Variants in TSPAN7 observed in about 807,000 individuals in gnomAD.
TSPAN7 encodes tetraspanin-7.
TSPAN7 carries 1 observed loss-of-function variant against 17.6 expected under a neutral mutation model. That is an observed-to-expected ratio of 0.06 (90% CI 0.02 to 0.27). The LOEUF (loss-of-function observed/expected upper bound fraction) is 0.27. Among genes scored for constraint, TSPAN7 ranks in the 10% least tolerant of loss-of-function variants. The probability of loss-of-function intolerance (pLI) is 1.00; values close to 1 mark genes in which losing one functional copy is unlikely to be tolerated. For synonymous variants in TSPAN7, 78 were observed against 79.0 expected, an observed-to-expected ratio of 0.99 and a Z score of 0.07; for missense variants, 112 against 201.7, an observed-to-expected ratio of 0.56 and a Z score of 2.69.
At chrX:38,649,128 G>A (rs866766860) in intron 1 of TSPAN7, among the ~76,000 whole-genome samples, 5 of 111,195 alleles carry the variant, frequency 4.5e-5, no homozygotes, top group Admixed American at 9.6e-5. Context: ...CACCCCAAAT[G>A]AGTATGTTAA....
In TSPAN7 at chrX:38,613,074, G is replaced by C. The variant is rs2069430665; in HGVS notation, c.81+51447G>C. On this transcript the variant is annotated intron_variant, in intron 1 of 7. Transcript: ENST00000378482. The stretch of plus-strand genomic sequence containing the variant: ...CTTTTCATTCTGCAACTAACACTCA[G>C]GAGCTGGAATCTCCATAACAGTTAT... Among the ~76,000 whole-genome samples the C allele has an allele frequency of 2.7e-5, 3 of 111,561 alleles. No individual in the cohort carries two copies. The South Asian group carries it at 1.1e-3, about 42-fold the overall frequency.
chrX:38,575,870 G>A (rs948767184), intron 1 of TSPAN7, among the ~76,000 whole-genome samples: 11 of 111,937 alleles, frequency 9.8e-5, no homozygotes, highest in Non-Finnish European at 1.7e-4. Flanking sequence ...TTAAAAAAAA[G>A]TCTGTTTACT....
rs1378050503 is a variant in TSPAN7, at chrX:38,681,194, C to T, written c.598-10C>T. On this transcript the variant is annotated splice_polypyrimidine_tract_variant and intron_variant, in intron 5 of 7. Transcript: ENST00000378482. ...AACATGTCTCCAAGACAGTGTCTTT[C>T]TCTTTCCAGGGTTGTTATGATCTGG... 8.3e-7 allele frequency: 1 copy of T among 1,201,875 alleles called. No individual in the cohort carries two copies. The highest frequency in any genetic ancestry group is 1.8e-5 in the African/African-American group (1 of 57,116).
chrX:38,601,730 G>A (rs2069348079), intron 1 of TSPAN7, among the ~76,000 whole-genome samples: 1 of 111,852 alleles, frequency 8.9e-6, no homozygotes, highest in South Asian at 3.7e-4. Context: ...CGCAGCTGAA[G>A]ACAATAATTT....
Position 38,601,861 on chromosome X carries a change from A to G in TSPAN7, c.81+40234A>G, listed in dbSNP as rs12013518. Among the ~76,000 whole-genome samples, 292 of 111,643 alleles carry G rather than the reference A, an allele frequency of 2.6e-3. 1 individual carries two copies. Among genetic ancestry groups the G allele is most frequent in the African/African-American group, 8.5e-3 (261 of 30,771 alleles). On this transcript the variant is annotated intron_variant, in intron 1 of 7. Transcript: ENST00000378482. ...ATTTGGACCTTAGCTGGGGTGGCACACTACATTCTCTCCCATCTTCCAGGA... is the reference window on the plus strand; with the variant it reads ...ATTTGGACCTTAGCTGGGGTGGCACGCTACATTCTCTCCCATCTTCCAGGA...
chrX:38,652,287 G>A (rs1004531436), intron 1 of TSPAN7, among the ~76,000 whole-genome samples: 1 of 111,747 alleles, frequency 8.9e-6, no homozygotes. Context: ...AAGTCTTCTG[G>A]GACAATAGTC....
chrX:38,631,049 A>G (rs975371488), intron 1 of TSPAN7, among the ~76,000 whole-genome samples: 2 of 112,612 alleles, frequency 1.8e-5, no homozygotes, highest in Non-Finnish European at 3.8e-5. Context: ...TCATAGATGT[A>G]ATAATTTAAA....
chrX:38,624,025 C>A (rs2069505611), intron 1 of TSPAN7, among the ~76,000 whole-genome samples: 1 of 107,547 alleles, frequency 9.3e-6, no homozygotes, highest in Admixed American at 1.0e-4. Flanking sequence ...AGGAAACAGA[C>A]CCAAGGTCAC....
At chrX:38,668,350 G>A (rs906553921) in intron 2 of TSPAN7, among the ~76,000 whole-genome samples, 3 of 112,112 alleles carry the variant, frequency 2.7e-5, no homozygotes, top group African/African-American at 9.7e-5. Context: ...TAGGATATGT[G>A]TATAAACAAT....
intron 4 of TSPAN7, among the ~76,000 whole-genome samples, chrX:38,674,591 T>C (rs1399784865): frequency 9.0e-6 from 1 of 111,694 alleles, no homozygotes; most frequent in Admixed American, 9.5e-5. Context: ...TCTGAACCCT[T>C]GTGAAGGAGT....
intron 1 of TSPAN7, among the ~76,000 whole-genome samples, chrX:38,582,839 A>G (rs1488137226): frequency 2.7e-5 from 3 of 111,659 alleles, no homozygotes; most frequent in African/African-American, 9.8e-5. Flanking sequence ...TATTGTATCC[A>G]GTTGCCTCAA....
chrX:38,586,331 G>C (rs139318037), intron 1 of TSPAN7, among the ~76,000 whole-genome samples: 4,021 of 112,249 alleles, frequency 0.036, 66 homozygotes, highest in Non-Finnish European at 0.056. Context: ...TATCAGGAAG[G>C]CTTTGAATAT....
At chrX:38,581,325 G>A (rs909796170) in intron 1 of TSPAN7, among the ~76,000 whole-genome samples, 8 of 112,135 alleles carry the variant, frequency 7.1e-5, no homozygotes, top group African/African-American at 1.6e-4. Flanking sequence ...ATGGACTCAC[G>A]GTTCCACATG....
At chrX:38,613,566 G>A (rs1165291854) in intron 1 of TSPAN7, among the ~76,000 whole-genome samples, 3 of 111,265 alleles carry the variant, frequency 2.7e-5, no homozygotes, top group Non-Finnish European at 5.7e-5. Flanking sequence ...TTTCACCTTG[G>A]GTTATTAGAT....
chrX:38,680,543 C>CTT (rs2069883026), intron 5 of TSPAN7, among the ~76,000 whole-genome samples: 1 of 37,862 alleles, frequency 2.6e-5, no homozygotes, highest in African/African-American at 1.2e-4. Context: ...TACAAATTCT[C>CTT]TCTCTCTCTC....
At chrX:38,683,684 T>C (rs2069906612) in intron 6 of TSPAN7, among the ~76,000 whole-genome samples, 2 of 112,845 alleles carry the variant, frequency 1.8e-5, no homozygotes, top group Admixed American at 9.3e-5. Flanking sequence ...CAGCTATTTA[T>C]GGTGCTGTCA....
chrX:38,660,261 C>T (rs1001471764), intron 1 of TSPAN7, among the ~76,000 whole-genome samples: 1 of 112,017 alleles, frequency 8.9e-6, no homozygotes, highest in Non-Finnish European at 1.9e-5. Context: ...AGTATACATA[C>T]AATTTGTAAT....
chrX:38,674,612 G>A (rs755299787), intron 4 of TSPAN7, among the ~76,000 whole-genome samples: 56 of 112,025 alleles, frequency 5.0e-4, no homozygotes, highest in African/African-American at 1.8e-3. Context: ...TAGGCAGTGA[G>A]TGTGTGACAA....
chrX:38,563,863 G>A (rs895757418), intron 1 of TSPAN7, among the ~76,000 whole-genome samples: 3 of 111,623 alleles, frequency 2.7e-5, no homozygotes, highest in Non-Finnish European at 5.6e-5. Context: ...GATCTCTTCG[G>A]ATGTGTGAGG....
Sources: gnomAD v4.1 joint callset for allele counts (sites outside exome capture counted in the v4.1 genomes callset) on GRCh38, gnomAD v4.1.1 for gene constraint, MANE v1.5 for transcripts, NCBI Gene and HGNC (gene_info 2026-07-23, HGNC 2026-07-21) for gene names.